The following ANKEF1 variants were observed in gnomAD, a reference collection of about 807,000 sequenced individuals.
ANKEF1 encodes the protein ankyrin repeat and EF-hand domain-containing protein 1.
Under a neutral mutation model 65.1 loss-of-function variants are expected in ANKEF1, and 43 were observed. The ratio of observed to expected loss-of-function variants is 0.66; its 90% CI spans 0.52 to 0.85. The LOEUF is 0.85. Among genes scored for constraint, ANKEF1 ranks in the 40% least tolerant of loss-of-function variants. The pLI is 0.00. For missense variants in ANKEF1, 934 were observed against 952.9 expected (o/e 0.98, Z 0.26); for synonymous variants, 316 against 341.5 (o/e 0.93, Z 0.82).
intron 6 of ANKEF1, among the ~76,000 whole-genome samples, chr20:10,046,988 T>C (rs182257564): frequency 6.6e-6 from 1 of 152,332 alleles, no homozygotes; most frequent in African/African-American, 2.4e-5. Context: ...TCTTAATTGG[T>C]TTTGTTTTCA....
rs894820306 is a variant in ANKEF1, at chr20:10,057,313, A to G, written c.*1653A>G. The G allele has an allele frequency of 6.6e-6, 1 of 152,186 alleles. No homozygotes were observed. The highest frequency in any genetic ancestry group is 2.4e-5 in the African/African-American group (1 of 41,444). 9.4% of individuals were successfully genotyped at this position (152,186 alleles called of 1,614,324 possible). A position where few individuals can be genotyped will look rare whatever the true frequency, so the allele number is the denominator to read the frequency against. ...CAGACCTGAACAGGGGTTGCTTACA[A>G]GCATTGCATTTGGATCCCAAGATTT... On this transcript the variant is annotated 3_prime_UTR_variant, in exon 11 of 11. Coordinates refer to ENST00000378392, the MANE Select transcript of ANKEF1 (RefSeq NM_022096.6).
chr20:10,050,664 A>G (rs1984808641), intron 7 of ANKEF1, among the ~76,000 whole-genome samples: 1 of 152,218 alleles, frequency 6.6e-6, no homozygotes, highest in African/African-American at 2.4e-5. Flanking sequence ...TTATGCATGA[A>G]GTGAAGGCCA....
intron 3 of ANKEF1, among the ~76,000 whole-genome samples, chr20:10,042,454 T>A (rs1811162018): frequency 6.6e-6 from 1 of 152,196 alleles, no homozygotes; most frequent in Non-Finnish European, 1.5e-5. Flanking sequence ...TAGGACTTTC[T>A]TAGTAACACT....
chr20:10,044,024 A>C (rs976557846), intron 4 of ANKEF1, among the ~76,000 whole-genome samples: 6 of 152,106 alleles, frequency 3.9e-5, no homozygotes, highest in South Asian at 2.1e-4. Context: ...CTTTCTTGAC[A>C]CTAAACATTG....
Position 10,051,902 on chromosome 20 carries a change from A to T in ANKEF1, c.1870+13A>T. 1 of 1,563,154 alleles carries T rather than the reference A, an allele frequency of 6.4e-7. No individual in the cohort carries two copies. The highest frequency in any genetic ancestry group is 8.7e-7 in the Non-Finnish European group (1 of 1,143,874). On this transcript the variant is annotated intron_variant, in intron 8 of 10. Transcript: ENST00000378392. ...GAAAATAGAAAAGGTATGCGTTCATATTATTGATGATTAGGGTTAGAAAAG... is the reference window on the plus strand; with the variant it reads ...GAAAATAGAAAAGGTATGCGTTCATTTTATTGATGATTAGGGTTAGAAAAG...
At chr20:10,037,761 T>G (rs959332558) in intron 2 of ANKEF1, among the ~76,000 whole-genome samples, 1 of 152,214 alleles carries the variant, frequency 6.6e-6, no homozygotes, top group Non-Finnish European at 1.5e-5. Flanking sequence ...TAACTACATC[T>G]TTTCCACTTA....
chr20:10,044,428 G>C lies in ANKEF1; in HGVS notation c.581G>C (p.Arg194Thr). 6.2e-7 allele frequency: 1 copy of C among 1,614,106 alleles called. No homozygotes were observed. Among genetic ancestry groups the C allele is most frequent in the Non-Finnish European group, 8.5e-7 (1 of 1,179,980 alleles). ...TGRTALMEAS[R>T]EGVVEIVRGI... is the part of the protein sequence containing the mutation. The stretch of plus-strand genomic sequence containing the variant: ...CGCACAGCTTTAATGGAAGCGTCAA[G>C]AGAAGGGGTAGTGGAAATAGTTCGA... The change falls in exon 5 of 11, where the codon AGA (arginine) becomes ACA (threonine). Residue 194 changes from arginine to threonine, a missense_variant. Physicochemically the swap from Arg to Thr is moderately conservative, Grantham distance 71. Transcript: ENST00000378392.
rs780368565 is a variant in ANKEF1 at position 10,054,464 on chromosome 20, A to G, written c.2037A>G (p.Glu679=). The G allele has an allele frequency of 6.5e-7, 1 of 1,544,536 alleles. No homozygotes were observed. The highest frequency in any genetic ancestry group is 8.7e-7 in the Non-Finnish European group (1 of 1,153,842). ...AATTTTTTTGTTCTTGTTTCCAGGA[A>G]CTGCTGTCATCAATTTATGGTGTAC... ...TEGPEIKKEE[E]LLSSIYGVPT... The change falls in exon 10 of 11, where the codon GAA becomes GAG. Residue 679 remains glutamate (E), a splice_region_variant and synonymous_variant. Coordinates refer to ENST00000378392, the MANE Select transcript of ANKEF1 (RefSeq NM_022096.6).
rs777208036 is a variant in ANKEF1, at chr20:10,038,520, C to A, written c.219C>A (p.His73Gln). The change falls in exon 3 of 11, where the codon CAC becomes CAA. Residue 73 changes from histidine to glutamine, a missense_variant. His to Gln is a conservative substitution (Grantham distance 24). Transcript: ENST00000378392. ...MVSFLLDLGA[H>Q]PDVQDRMGCT... ...GCTTTCTCCTTGACCTTGGTGCTCA[C>A]CCTGATGTGCAAGACCGAATGGGCT... 2 of 1,614,190 alleles carry A rather than the reference C, an allele frequency of 1.2e-6. No individual in the cohort carries two copies. The highest frequency in any genetic ancestry group is 1.7e-6 in the Non-Finnish European group (2 of 1,180,036).
intron 6 of ANKEF1, among the ~76,000 whole-genome samples, chr20:10,048,965 G>A (rs73897523): frequency 1.8e-4 from 27 of 152,276 alleles, no homozygotes; most frequent in African/African-American, 6.3e-4. Flanking sequence ...TCAAAAGGAA[G>A]TGGGTATTCT....
chr20:10,043,558 GA>G (rs1984324778), intron 4 of ANKEF1, among the ~76,000 whole-genome samples: 1 of 151,156 alleles, frequency 6.6e-6, no homozygotes, highest in Non-Finnish European at 1.5e-5. Context: ...ACCATTATAG[GA>G]AATAGTAAAA....
Position 10,055,765 on chromosome 20 carries a change from C to A in ANKEF1, c.*105C>A. On this transcript the variant is annotated 3_prime_UTR_variant, in exon 11 of 11. Coordinates refer to ENST00000378392, the MANE Select transcript of ANKEF1 (RefSeq NM_022096.6). Reference sequence around the variant, plus strand: ...GCCAAAGCAATCCATACACCAAGAACTTGTTACCAAGAATTTCTTTTTGCT... The same window carrying A: ...GCCAAAGCAATCCATACACCAAGAAATTGTTACCAAGAATTTCTTTTTGCT... The A allele has an allele frequency of 8.6e-7, 1 of 1,156,774 alleles. No individual in the cohort carries two copies. The highest frequency in any genetic ancestry group is 1.2e-6 in the Non-Finnish European group (1 of 805,658). 71.7% of individuals were successfully genotyped at this position (1,156,774 alleles called of 1,614,324 possible).
chr20:10,046,379 A>G (rs1343431872), intron 6 of ANKEF1, among the ~76,000 whole-genome samples: 2 of 152,222 alleles, frequency 1.3e-5, no homozygotes, highest in African/African-American at 2.4e-5. Context: ...AAAATGTTCC[A>G]TTGTGTCAAA....
At position 10,053,223 on chromosome 20, in the gene ANKEF1, G is replaced by T; in HGVS notation, c.1982G>T (p.Gly661Val). ...PKPAENQKLK[G>V]KTPPILKTEG... ...CCAGCAGAAAATCAAAAACTAAAAG[G>T]CAAGACACCTCCTATACTGAAGACT... Residue 661 changes from glycine (G) to valine (V), a missense_variant, in exon 9 of 11, where the codon GGC (glycine) becomes GTC (valine). Gly to Val is a moderately radical substitution (Grantham distance 109). Transcript: ENST00000378392. The T allele has an allele frequency of 6.2e-7, 1 of 1,613,378 alleles. No homozygotes were observed. Among genetic ancestry groups the T allele is most frequent in the Non-Finnish European group, 8.5e-7 (1 of 1,179,664 alleles).
intron 8 of ANKEF1, among the ~76,000 whole-genome samples, chr20:10,052,797 G>A (rs1052842192): frequency 1.3e-5 from 2 of 151,952 alleles, no homozygotes; most frequent in East Asian, 3.9e-4. Flanking sequence ...CACAATGTGG[G>A]GAGAGAATAA....
intron 3 of ANKEF1, among the ~76,000 whole-genome samples, chr20:10,039,441 T>G (rs1017358403): frequency 6.6e-6 from 1 of 152,222 alleles, no homozygotes; most frequent in Non-Finnish European, 1.5e-5. Flanking sequence ...GAAATGAATC[T>G]CATTTGATAA....
At chr20:10,040,621 A>G (rs1984128394) in intron 3 of ANKEF1, 1 of 152,194 alleles carries the variant, frequency 6.6e-6, no homozygotes, top group Non-Finnish European at 1.5e-5. Context: ...TTTTGCATTT[A>G]CAGGCATGTG....
intron 6 of ANKEF1, among the ~76,000 whole-genome samples, chr20:10,048,279 T>C (rs1229792266): frequency 6.6e-6 from 1 of 152,102 alleles, no homozygotes; most frequent in Non-Finnish European, 1.5e-5. Flanking sequence ...TTTTTTACTT[T>C]TTATTTTTTT....
intron 2 of ANKEF1, among the ~76,000 whole-genome samples, chr20:10,038,027 A>G (rs1361943262): frequency 2.0e-5 from 3 of 152,304 alleles, no homozygotes; most frequent in African/African-American, 7.2e-5. Context: ...GGTTAAATGG[A>G]TAATAAGAAA....
Sources: gnomAD v4.1 joint callset for allele counts (sites outside exome capture counted in the v4.1 genomes callset) on GRCh38, gnomAD v4.1.1 for gene constraint, MANE v1.5 for transcripts, NCBI Gene and HGNC (gene_info 2026-07-23, HGNC 2026-07-21) for gene names.